The following DLGAP2 variants were observed in gnomAD, a reference collection of about 807,000 sequenced individuals.
DLGAP2 encodes DLG associated protein 2.
A neutral mutation model predicts 100.3 loss-of-function variants in DLGAP2; 26 were observed. The ratio of observed to expected loss-of-function variants is 0.26; its 90% confidence interval spans 0.19 to 0.36. The LOEUF (loss-of-function observed/expected upper bound fraction) is 0.36. Ranked by LOEUF, DLGAP2 falls within the 10% of genes least tolerant of loss-of-function variation. The pLI, the probability that DLGAP2 is intolerant of heterozygous loss-of-function variation, is 1.00. For synonymous variants in DLGAP2, 886 were observed against 630.1 expected, an observed-to-expected ratio of 1.41 and a Z score of -6.08; for missense variants, 1,858 against 1,453.2, an observed-to-expected ratio of 1.28 and a Z score of -4.53.
intron 3 of DLGAP2, among the ~76,000 whole-genome samples, chr8:1,491,115 A>T (rs1269427185): frequency 2.0e-5 from 3 of 148,426 alleles, no homozygotes; most frequent in Admixed American, 6.7e-5. Context: ...ATCACTTTTC[A>T]TGAACAGAGC....
At chr8:980,066 C>T (rs1297010279) in intron 2 of DLGAP2, among the ~76,000 whole-genome samples, 2 of 152,176 alleles carry the variant, frequency 1.3e-5, no homozygotes, top group Non-Finnish European at 2.9e-5. Context: ...ACTGGGAAAA[C>T]GATAGTGCCA....
chr8:1,173,047 A>G (rs4448297), intron 2 of DLGAP2, among the ~76,000 whole-genome samples: 55,481 of 152,008 alleles, frequency 0.36, 11,960 homozygotes, highest in Non-Finnish European at 0.48. Flanking sequence ...GGTGATGTAC[A>G]GATGGGTTTT....
chr8:1,444,154 T>C (rs1797916273), intron 3 of DLGAP2, among the ~76,000 whole-genome samples: 1 of 151,964 alleles, frequency 6.6e-6, no homozygotes, highest in Non-Finnish European at 1.5e-5. Flanking sequence ...GGCGCGATCA[T>C]AGCTCACTAC....
intron 3 of DLGAP2, among the ~76,000 whole-genome samples, chr8:1,298,575 T>C (rs1302495698): frequency 6.6e-6 from 1 of 151,318 alleles, no homozygotes; most frequent in Non-Finnish European, 1.5e-5. Flanking sequence ...GACGGCTCAG[T>C]AGGTACCTCG....
intron 6 of DLGAP2, among the ~76,000 whole-genome samples, chr8:1,609,103 T>A: frequency 8.0e-6 from 1 of 124,476 alleles, no homozygotes; most frequent in Non-Finnish European, 1.8e-5. Context: ...TTCACCAAAA[T>A]GGAAATGAAG....
chr8:874,243 C>G (rs1797649506), intron 1 of DLGAP2, among the ~76,000 whole-genome samples: 1 of 151,664 alleles, frequency 6.6e-6, no homozygotes, highest in South Asian at 2.1e-4. Flanking sequence ...TTTCTGCCTG[C>G]TTTACATTTA....
At chr8:1,189,769 C>T (rs1372033045) in intron 2 of DLGAP2, among the ~76,000 whole-genome samples, 1 of 152,168 alleles carries the variant, frequency 6.6e-6, no homozygotes, top group African/African-American at 2.4e-5. Flanking sequence ...GCAGATACAG[C>T]CGCCTGCCTG....
chr8:1,280,736 G>C (rs1354526699), intron 3 of DLGAP2, among the ~76,000 whole-genome samples: 1 of 152,216 alleles, frequency 6.6e-6, no homozygotes, highest in African/African-American at 2.4e-5. Context: ...AGGAGTATAA[G>C]GATAAGAGGC....
intron 2 of DLGAP2, among the ~76,000 whole-genome samples, chr8:1,193,000 A>C (rs1797672568): frequency 6.6e-6 from 1 of 152,096 alleles, no homozygotes; most frequent in Admixed American, 6.5e-5. Flanking sequence ...AAGGACATGA[A>C]CTTATCAATT....
intron 6 of DLGAP2, among the ~76,000 whole-genome samples, chr8:1,620,786 A>G (rs1371387940): frequency 1.3e-5 from 2 of 152,184 alleles, no homozygotes; most frequent in African/African-American, 4.8e-5. Context: ...CCCCACGCAC[A>G]GGGACCGTCC....
chr8:762,660 G>T (rs190478437), intron 1 of DLGAP2, among the ~76,000 whole-genome samples: 143 of 152,098 alleles, frequency 9.4e-4, no homozygotes, highest in African/African-American at 3.3e-3. Flanking sequence ...TTTAAAGGAA[G>T]AAGGTGACAG....
chr8:867,942 G>C (rs1797528972), intron 1 of DLGAP2, among the ~76,000 whole-genome samples: 1 of 152,138 alleles, frequency 6.6e-6, no homozygotes, highest in Non-Finnish European at 1.5e-5. Flanking sequence ...ATTATGAAAA[G>C]ATTTGTTAAC....
In DLGAP2 at chr8:1,287,288, TAGG is replaced by T. The variant is rs1018724213; in HGVS notation, c.106+28409_106+28411del. On this transcript the variant is annotated intron_variant, in intron 3 of 14. Transcript: ENST00000637795. The stretch of plus-strand genomic sequence containing the variant: ...AGCGTGTGTGTGTGTGTGTGGTTGT[TAGG>T]AGGGGAACTAGTTTCGGTTCAGCGT... Among the ~76,000 whole-genome samples the T allele has an allele frequency of 2.3e-5, 2 of 87,194 alleles. 1 individual carries two copies. The highest frequency in any genetic ancestry group is 8.6e-5 in the African/African-American group (2 of 23,214). The allele number at this position is 87,194 out of a possible 152,430, so 57.2% of individuals were successfully genotyped here.
At chr8:1,636,948 T>C (rs1797780427) in intron 8 of DLGAP2, among the ~76,000 whole-genome samples, 1 of 152,232 alleles carries the variant, frequency 6.6e-6, no homozygotes. Context: ...TATTCAGGTG[T>C]GTTGGGACAC....
At chr8:1,317,612 G>T (rs188245780) in intron 3 of DLGAP2, among the ~76,000 whole-genome samples, 1 of 130,994 alleles carries the variant, frequency 7.6e-6, no homozygotes, top group Non-Finnish European at 1.6e-5. Flanking sequence ...CGAGTGCAGC[G>T]TCTCTCCAAC....
chr8:1,430,583 T>C (rs1381942666), intron 3 of DLGAP2, among the ~76,000 whole-genome samples: 1 of 152,340 alleles, frequency 6.6e-6, no homozygotes, highest in East Asian at 1.9e-4. Context: ...AGGTTTTGTA[T>C]TTAAAATGAA....
intron 1 of DLGAP2, among the ~76,000 whole-genome samples, chr8:837,352 G>T (rs182237650): frequency 6.6e-6 from 1 of 152,200 alleles, no homozygotes; most frequent in African/African-American, 2.4e-5. Context: ...GCCACTTTTC[G>T]TGGTTCCTGA....
intron 2 of DLGAP2, among the ~76,000 whole-genome samples, chr8:917,411 G>C (rs1218451278): frequency 6.6e-6 from 1 of 151,952 alleles, no homozygotes; most frequent in African/African-American, 2.4e-5. Flanking sequence ...GCTAATTTTT[G>C]AATTTTTATA....
At chr8:801,467 A>AT (rs1421541380) in intron 1 of DLGAP2, among the ~76,000 whole-genome samples, 1 of 152,230 alleles carries the variant, frequency 6.6e-6, no homozygotes, top group Non-Finnish European at 1.5e-5. Context: ...AGGATGGAGC[A>AT]TACGTACTTT....
Sources: allele counts gnomAD v4.1 joint callset (sites outside exome capture counted in the v4.1 genomes callset), GRCh38; gene constraint gnomAD v4.1.1; transcripts MANE v1.5; gene names NCBI Gene and HGNC (gene_info 2026-07-23, HGNC 2026-07-21).